AIFM1: variants seen among roughly 807,000 people sequenced by gnomAD.
The protein encoded by AIFM1 is apoptosis-inducing factor 1, mitochondrial.
AIFM1 carries 3 observed loss-of-function variants against 51.7 expected under a neutral mutation model. That is an observed-to-expected ratio of 0.06 (90% CI 0.03 to 0.15). The LOEUF (loss-of-function observed/expected upper bound fraction) is 0.15. Ranked by LOEUF, AIFM1 falls within the 10% of genes least tolerant of loss-of-function variation. AIFM1 has a pLI of 1.00. For synonymous variants in AIFM1, 178 were observed against 179.4 expected (o/e 0.99, Z 0.06); for missense variants, 330 against 476.8 (o/e 0.69, Z 2.87).
intron 9 of AIFM1, chrX:130,137,628 C>A: frequency 8.9e-7 from 1 of 1,123,897 alleles, no homozygotes; most frequent in Non-Finnish European, 1.2e-6. Context: ...AAGTTTTTGG[C>A]ATTTTACAGG....
chrX:130,133,529 T>C (rs1224733767), intron 12 of AIFM1, 74 bp from the exon 13 acceptor site: 4 of 1,143,555 alleles, frequency 3.5e-6, no homozygotes, highest in Admixed American at 4.5e-5. Context: ...ATATAAACTT[T>C]GGGGGCTCAA....
chrX:130,152,241 G>C (rs1195032651), intron 2 of AIFM1, among the ~76,000 whole-genome samples: 6 of 112,034 alleles, frequency 5.4e-5, no homozygotes, highest in Non-Finnish European at 1.1e-4. Context: ...TCCCAAAATA[G>C]CCTAAGCCCA....
chrX:130,133,861 G>C (rs986621496), intron 12 of AIFM1, among the ~76,000 whole-genome samples: 6 of 108,709 alleles, frequency 5.5e-5, no homozygotes, highest in Admixed American at 9.8e-5. Context: ...TGAACTCCTG[G>C]GCTCAAGCAA....
intron 1 of AIFM1, among the ~76,000 whole-genome samples, chrX:130,161,530 A>AAC (rs2031351782): frequency 9.2e-6 from 1 of 108,544 alleles, no homozygotes; most frequent in Non-Finnish European, 1.9e-5. Flanking sequence ...AAAAAAAAAA[A>AAC]AACACAGGAC....
intron 6 of AIFM1, among the ~76,000 whole-genome samples, chrX:130,141,099 G>A (rs138309344): frequency 8.9e-6 from 1 of 112,024 alleles, no homozygotes; most frequent in Non-Finnish European, 1.9e-5. Flanking sequence ...CTGGGCAACA[G>A]AGCAAGATTC....
chrX:130,142,411 T>C (rs754889205), intron 6 of AIFM1, among the ~76,000 whole-genome samples: 1 of 111,380 alleles, frequency 9.0e-6, no homozygotes, highest in Non-Finnish European at 1.9e-5. Flanking sequence ...TATGTTCTAT[T>C]GTATTGCAAA....
At position 130,156,462 on chromosome X, in the gene AIFM1, T is replaced by C. The variant is rs1488258655; in HGVS notation, c.248A>G (p.Tyr83Cys). Residue 83 changes from tyrosine (Y) to cysteine (C), a missense_variant and splice_region_variant, in exon 2 of 16, where the codon TAT (tyrosine) becomes TGT (cysteine). Physicochemically the swap from Tyr to Cys is radical, Grantham distance 194. Transcript: ENST00000287295. ...VGLSTVGAGA[Y>C]AYKTMKEDEK... ...TATACACGCTGCTTTTCTACTTACA[T>C]AGGCACCAGCTCCTACTGTTGATAA... The C allele has an allele frequency of 6.6e-6, 8 of 1,211,758 alleles. No individual in the cohort carries two copies. The highest frequency in any genetic ancestry group is 3.0e-5 in the East Asian group (1 of 33,851).
At chrX:130,152,754 G>A (rs989323067) in intron 2 of AIFM1, among the ~76,000 whole-genome samples, 3 of 111,838 alleles carry the variant, frequency 2.7e-5, no homozygotes, top group Admixed American at 9.5e-5. Flanking sequence ...ACATCAATGC[G>A]AATCAGAAGT....
intron 11 of AIFM1, 143 bp downstream of exon 11, chrX:130,136,500 G>A: frequency 3.4e-6 from 2 of 585,153 alleles, no homozygotes; most frequent in Non-Finnish European, 2.9e-6. Context: ...TTAATGGAGG[G>A]ATGGTTAATT....
At chrX:130,150,480 C>T (rs1242010628) in intron 2 of AIFM1, among the ~76,000 whole-genome samples, 3 of 100,953 alleles carry the variant, frequency 3.0e-5, no homozygotes, top group African/African-American at 7.2e-5. Context: ...GGACTACAGG[C>T]GCCCGCCACT....
intron 1 of AIFM1, among the ~76,000 whole-genome samples, chrX:130,160,812 G>A (rs2031320711): frequency 9.1e-6 from 1 of 110,112 alleles, no homozygotes; most frequent in South Asian, 3.8e-4. Context: ...GGAGGCCGAG[G>A]TTGGTGGATC....
chrX:130,130,158 T>C lies in AIFM1; in HGVS notation c.1582A>G (p.Ile528Val). 1.9e-5 allele frequency: 23 copies of C among 1,211,916 alleles called. No homozygotes were observed. The highest frequency in any genetic ancestry group is 2.3e-4 in the Middle Eastern group (1 of 4,356). The change falls in exon 15 of 16, where the codon ATC (isoleucine) becomes GTC (valine). Residue 528 changes from isoleucine to valine, a missense_variant. Transcript: ENST00000287295. The stretch of plus-strand genomic sequence containing the variant: ...GACTCTGTCTCACTCTCTGATCGGA[T>C]ACCAGTTCCTGTGGCCAGCCCCCAA... ...KSATEQSGTG[I>V]RSESETESEA...
intron 5 of AIFM1, among the ~76,000 whole-genome samples, chrX:130,146,451 A>ATGTGTGTGTG (rs60694841): frequency 1.7e-3 from 154 of 89,441 alleles, no homozygotes; most frequent in Middle Eastern, 5.4e-3. Flanking sequence ...CTCTCAAAAT[A>ATGTGTGTGTG]TGTGTGTGTG....
At chrX:130,162,024 T>A (rs776688959) in intron 1 of AIFM1, among the ~76,000 whole-genome samples, 1 of 112,540 alleles carries the variant, frequency 8.9e-6, no homozygotes, top group African/African-American at 3.2e-5. Flanking sequence ...GGAAAAATTA[T>A]TTAGATAACA....
chrX:130,139,291 C>A (rs1298982109), intron 8 of AIFM1, among the ~76,000 whole-genome samples: 1 of 108,886 alleles, frequency 9.2e-6, no homozygotes, highest in African/African-American at 3.3e-5. Context: ...AAGATCGCAC[C>A]ACCGCACTCC....
chrX:130,144,846 C>A (rs1320342667), intron 6 of AIFM1, among the ~76,000 whole-genome samples: 2 of 112,583 alleles, frequency 1.8e-5, no homozygotes, highest in African/African-American at 3.2e-5. Context: ...TATCCATCTT[C>A]TCTGTCTAAT....
intron 2 of AIFM1, among the ~76,000 whole-genome samples, 153 bp from the exon 3 acceptor site, chrX:130,149,721 A>G (rs1386624592): frequency 8.9e-6 from 1 of 112,369 alleles, no homozygotes; most frequent in Non-Finnish European, 1.9e-5. Flanking sequence ...TTCTTAAGAA[A>G]TAAAAAATAC....
At chrX:130,133,950 C>T (rs767661407) in intron 12 of AIFM1, among the ~76,000 whole-genome samples, 3 of 110,898 alleles carry the variant, frequency 2.7e-5, no homozygotes, top group African/African-American at 9.8e-5. Context: ...CATTTTAAAA[C>T]ATCTATTCCA....
At chrX:130,156,407 C>T in intron 2 of AIFM1, 54 bp downstream of exon 2, 1 of 1,199,247 alleles carries the variant, frequency 8.3e-7, no homozygotes, top group Non-Finnish European at 1.1e-6. Context: ...ACTATCGAGT[C>T]TATTAATGGG....
Sources: gnomAD v4.1 joint callset for allele counts (sites outside exome capture counted in the v4.1 genomes callset) on GRCh38, gnomAD v4.1.1 for gene constraint, MANE v1.5 for transcripts, NCBI Gene and HGNC (gene_info 2026-07-23, HGNC 2026-07-21) for gene names.